Variants in ZNF18 observed in about 807,000 individuals in gnomAD.
ZNF18 encodes heart development-specific gene 1 protein.
Under a neutral mutation model 58.1 loss-of-function variants are expected in ZNF18, and 42 were observed. The ratio of observed to expected loss-of-function variants is 0.72; its 90% CI spans 0.56 to 0.93. The LOEUF (loss-of-function observed/expected upper bound fraction) is 0.93. Ranked by LOEUF, ZNF18 falls within the 40% of genes least tolerant of loss-of-function variation. The probability of loss-of-function intolerance (pLI) is 0.00; values close to 1 mark genes in which losing one functional copy is unlikely to be tolerated. For synonymous variants in ZNF18, 231 were observed against 239.8 expected (o/e 0.96, Z 0.34); for missense variants, 540 against 644.2 (o/e 0.84, Z 1.75).
rs760886148 is a variant in ZNF18, at chr17:11,978,550, C to A, written c.1057G>T (p.Glu353Ter). The A allele has an allele frequency of 2.5e-6, 4 of 1,613,364 alleles. 1 individual carries two copies. The Admixed American group carries it at 6.7e-5, about 27-fold the overall frequency. The change falls in exon 7 of 7, where the codon GAG becomes TAG. Residue 353 changes from glutamate to a stop codon, truncating the protein, a stop_gained. Transcript: ENST00000580306. LOFTEE classifies it high-confidence loss of function. ...GGAGACAGCTGTTCCCCTGTTCCCT[C>A]ATCCTGAATGTTTTGCAGAGCCTCA... ...LPEALQNIQD[E>*]GTGEQLSPQE...
chr17:11,984,217 A>G lies in ZNF18; in HGVS notation c.667-20T>C, dbSNP rs564417172. 6.8e-4 allele frequency: 943 copies of G among 1,388,200 alleles called. 2 individuals carry two copies. The highest frequency in any genetic ancestry group is 9.8e-4 in the South Asian group (80 of 81,266). 86.0% of individuals were successfully genotyped at this position (1,388,200 alleles called of 1,614,324 possible). On this transcript the variant is annotated intron_variant, in intron 4 of 6. Transcript: ENST00000580306. ...CTGTTCCTGGAAAAAAAAAAAAAAA[A>G]GCAATACAATACCATGACTCCAATG...
At chr17:11,983,033 A>T (rs922547878) in intron 6 of ZNF18, among the ~76,000 whole-genome samples, 1 of 152,194 alleles carries the variant, frequency 6.6e-6, no homozygotes, top group Non-Finnish European at 1.5e-5. Context: ...CAGAGAAAGA[A>T]AGCTAAAATA....
At chr17:12,007,172 C>A in the ZNF18 span, among the ~76,000 whole-genome samples, 1 of 152,174 alleles carries the variant, frequency 6.6e-6, no homozygotes, top group South Asian at 2.1e-4. Context: ...AGAGCTTCAC[C>A]ACCAAATGCT....
intron 5 of ZNF18, 94 bp downstream of exon 5, chr17:11,984,019 T>C (rs1390562929): frequency 8.5e-6 from 10 of 1,173,556 alleles, no homozygotes; most frequent in Non-Finnish European, 1.1e-5. Context: ...CTGGCGATTT[T>C]CAGTTCAGCA....
the ZNF18 span, chr17:12,011,060 C>G: frequency 1.4e-6 from 1 of 735,922 alleles, no homozygotes; most frequent in Non-Finnish European, 2.5e-6. Flanking sequence ...CATGGTGACA[C>G]CTGTGGGGCA....
At chr17:12,010,258 G>A in the ZNF18 span, among the ~76,000 whole-genome samples, 10 of 151,772 alleles carry the variant, frequency 6.6e-5, no homozygotes, top group Non-Finnish European at 1.0e-4. Flanking sequence ...GTAATTCTTC[G>A]CTATTCTAGT....
At chr17:11,992,315 T>A in intron 2 of ZNF18, 128 bp downstream of exon 2, 1 of 1,195,054 alleles carries the variant, frequency 8.4e-7, no homozygotes, top group Non-Finnish European at 1.1e-6. Flanking sequence ...AATCACAGAA[T>A]TGGCCATTGG....
chr17:11,978,500 T>C lies in ZNF18; in HGVS notation c.1107A>G (p.Gln369=), dbSNP rs746622489. ...LSPQERISEK[Q]LGQHLPNPHS... ...GAGGATTAGGCAAATGCTGACCTAG[T>C]TGTTTCTCAGAAATCCTTTCTTGAG... The change falls in exon 7 of 7, where the codon CAA becomes CAG. Residue 369 remains glutamine (Q), a synonymous_variant. Transcript: ENST00000580306. The C allele has an allele frequency of 6.2e-7, 1 of 1,606,014 alleles. No homozygotes were observed. The highest frequency in any genetic ancestry group is 1.3e-5 in the African/African-American group (1 of 74,550).
intron 3 of ZNF18, 96 bp downstream of exon 3, chr17:11,990,872 GGGATAC>G: frequency 7.6e-7 from 1 of 1,317,952 alleles, no homozygotes. Context: ...AAACCTCTCA[GGGATAC>G]GCCAATCTGA....
In ZNF18 at chr17:11,978,684, A is replaced by G. The variant is rs142899087; in HGVS notation, c.923T>C (p.Leu308Pro). The G allele has an allele frequency of 1.1e-4, 170 of 1,611,716 alleles. No homozygotes were observed. The highest frequency in any genetic ancestry group is 1.4e-4 in the Non-Finnish European group (161 of 1,179,884). Residue 308 changes from leucine to proline, a missense_variant, in exon 7 of 7, where the codon CTC becomes CCC. Coordinates refer to ENST00000580306, the MANE Select transcript of ZNF18 (RefSeq NM_001303281.2). ...TGAAGCTTGACAGGAAGCATGCAGG[A>G]GCTCCTGGTCCCTGTGATTCTCCAA... ...LNLENHRDQE[L>P]LHASCQASGE...
the ZNF18 span, chr17:12,011,172 C>G: frequency 1.7e-6 from 1 of 586,114 alleles, no homozygotes; most frequent in South Asian, 1.9e-5. Flanking sequence ...TTTTCTAAAA[C>G]TCCTGGAGAA....
At chr17:11,996,403 T>C (rs976787335) in intron 1 of ZNF18, among the ~76,000 whole-genome samples, 2 of 152,198 alleles carry the variant, frequency 1.3e-5, no homozygotes, top group Non-Finnish European at 2.9e-5. Context: ...AAGATAGCAG[T>C]TTAGATAATA....
At chr17:12,020,186 A>G in the ZNF18 span, among the ~76,000 whole-genome samples, 3 of 152,200 alleles carry the variant, frequency 2.0e-5, no homozygotes, top group African/African-American at 7.2e-5. Flanking sequence ...TGTAGATAGC[A>G]TATTTCAGGA....
At chr17:11,989,107 T>C (rs1967936731) in intron 4 of ZNF18, among the ~76,000 whole-genome samples, 2 of 150,442 alleles carry the variant, frequency 1.3e-5, no homozygotes, top group African/African-American at 2.5e-5. Context: ...TGTAGTGAGC[T>C]GAGATCGCGC....
the ZNF18 span, among the ~76,000 whole-genome samples, chr17:12,014,486 A>G: frequency 3.3e-5 from 5 of 152,246 alleles, no homozygotes; most frequent in Non-Finnish European, 7.3e-5. Flanking sequence ...ACATGGTACA[A>G]CATAGATGAA....
At chr17:12,012,397 G>C in the ZNF18 span, among the ~76,000 whole-genome samples, 1 of 152,050 alleles carries the variant, frequency 6.6e-6, no homozygotes, top group Non-Finnish European at 1.5e-5. Flanking sequence ...CTAATATTTT[G>C]CTACAAAAAT....
At chr17:11,986,144 TTTGCC>T in intron 4 of ZNF18, among the ~76,000 whole-genome samples, 1 of 152,112 alleles carries the variant, frequency 6.6e-6, no homozygotes, top group Non-Finnish European at 1.5e-5. Flanking sequence ...AAAATGGGAG[TTTGCC>T]TGCACAAGCT....
At chr17:12,014,413 C>T in the ZNF18 span, among the ~76,000 whole-genome samples, 1 of 152,020 alleles carries the variant, frequency 6.6e-6, no homozygotes, top group African/African-American at 2.4e-5. Context: ...AATGGATAAA[C>T]AAAATGTGAT....
intron 4 of ZNF18, among the ~76,000 whole-genome samples, chr17:11,988,107 C>G (rs1967870575): frequency 6.6e-6 from 1 of 152,054 alleles, no homozygotes. Context: ...AAATTGTTAA[C>G]TAAATATCAA....
Sources: gnomAD v4.1 joint callset for allele counts (sites outside exome capture counted in the v4.1 genomes callset) on GRCh38, gnomAD v4.1.1 for gene constraint, MANE v1.5 for transcripts, NCBI Gene and HGNC (gene_info 2026-07-23, HGNC 2026-07-21) for gene names.